The following APBB2 variants were observed in gnomAD, a reference collection of about 807,000 sequenced individuals.
APBB2 encodes Fe65-like 1.
A neutral mutation model predicts 82.5 loss-of-function variants in APBB2; 38 were observed. The ratio of observed to expected loss-of-function variants is 0.46; its 90% CI spans 0.36 to 0.60. APBB2 has a LOEUF of 0.60. APBB2 is among the 20% of genes least tolerant of loss of function. APBB2 has a pLI of 0.00. For synonymous variants in APBB2, 341 were observed against 368.2 expected (o/e 0.93, Z 0.85); for missense variants, 772 against 972.3 (o/e 0.79, Z 2.74).
At chr4:40,996,488 C>G (rs1457504987) in intron 6 of APBB2, among the ~76,000 whole-genome samples, 1 of 152,196 alleles carries the variant, frequency 6.6e-6, no homozygotes, top group East Asian at 1.9e-4. Context: ...GTCTGAATCT[C>G]TCTGACTTCT....
At position 41,135,479 on chromosome 4, in the gene APBB2, T is replaced by C. The variant is rs138299503; in HGVS notation, c.-261+7508A>G. Among the ~76,000 whole-genome samples, 6 of 152,340 alleles carry C rather than the reference T, an allele frequency of 3.9e-5. No homozygotes were observed. In the East Asian group the frequency reaches 1.2e-3, roughly 29 times the overall value. On this transcript the variant is annotated intron_variant, in intron 2 of 17. Transcript: ENST00000508593. ...GATCAATGCTTATTTGAATAGATAATAATCAATTTGGAAATTTCAGAAACT... is the reference window on the plus strand; with the variant it reads ...GATCAATGCTTATTTGAATAGATAACAATCAATTTGGAAATTTCAGAAACT...
intron 12 of APBB2, among the ~76,000 whole-genome samples, chr4:40,863,712 G>A (rs762587294): frequency 9.2e-5 from 14 of 151,760 alleles, no homozygotes; most frequent in Non-Finnish European, 1.6e-4. Flanking sequence ...GGCCAACATG[G>A]TGAAACCCTG....
intron 12 of APBB2, among the ~76,000 whole-genome samples, chr4:40,871,146 C>T (rs1404109800): frequency 6.6e-6 from 1 of 151,638 alleles, no homozygotes; most frequent in Non-Finnish European, 1.5e-5. Context: ...ACCCCGCACC[C>T]GTTTATTTTT....
intron 2 of APBB2, among the ~76,000 whole-genome samples, chr4:41,106,886 C>G (rs1177377135): frequency 6.6e-6 from 1 of 151,994 alleles, no homozygotes; most frequent in Non-Finnish European, 1.5e-5. Context: ...ACAAGATAAG[C>G]CCAGAACATC....
At chr4:41,192,218 A>G (rs1774645188) in intron 1 of APBB2, among the ~76,000 whole-genome samples, 1 of 152,222 alleles carries the variant, frequency 6.6e-6, no homozygotes, top group Non-Finnish European at 1.5e-5. Flanking sequence ...GTCATTATGG[A>G]AAACAGTATG....
In APBB2 at chr4:40,938,863, G is replaced by A. The variant is rs568657978; in HGVS notation, c.1045-3724C>T. Among the ~76,000 whole-genome samples, 7 of 152,326 alleles carry A rather than the reference G, an allele frequency of 4.6e-5. No individual in the cohort carries two copies. In the Middle Eastern group the frequency reaches 0.014, roughly 296 times the overall value. ...GTCTGTCCACTACAAAACTCGCATC[G>A]AAATTTAAACACCAATGTTGCAGTA... On this transcript the variant is annotated intron_variant, in intron 7 of 17. Transcript: ENST00000508593.
chr4:41,146,465 G>GC (rs1760779423), intron 1 of APBB2, among the ~76,000 whole-genome samples: 1 of 151,962 alleles, frequency 6.6e-6, no homozygotes, highest in South Asian at 2.1e-4. Flanking sequence ...CTGCACTCCA[G>GC]CCTGGGCAAG....
chr4:41,107,830 C>T (rs1196678971), intron 2 of APBB2, among the ~76,000 whole-genome samples: 1 of 151,930 alleles, frequency 6.6e-6, no homozygotes, highest in East Asian at 1.9e-4. Flanking sequence ...CCATGAACCA[C>T]AAAAACAAAA....
intron 1 of APBB2, among the ~76,000 whole-genome samples, chr4:41,196,462 A>C: frequency 6.6e-6 from 1 of 152,156 alleles, no homozygotes; most frequent in Admixed American, 6.5e-5. Flanking sequence ...AATGCAAAAA[A>C]ATTCCATTAT....
Position 41,040,975 on chromosome 4 carries a change from A to G in APBB2, c.-50-7671T>C, listed in dbSNP as rs985269387. 3.3e-5 allele frequency among the ~76,000 whole-genome samples: 5 copies of G among 151,832 alleles called. No homozygotes were observed. In the South Asian group the frequency reaches 8.3e-4, roughly 25 times the overall value. On this transcript the variant is annotated intron_variant, in intron 4 of 17. Coordinates refer to ENST00000508593, the MANE Select transcript of APBB2 (RefSeq NM_004307.2). ...GGCTCACTGCAAGCTCCGCCTCCCG[A>G]GTTCACGCCATTCTCCTGCCTCAGC...
At chr4:40,910,889 G>C (rs1778354832) in intron 10 of APBB2, among the ~76,000 whole-genome samples, 1 of 152,246 alleles carries the variant, frequency 6.6e-6, no homozygotes, top group African/African-American at 2.4e-5. Context: ...GTGGATTCAA[G>C]GGGCTGTGAA....
At chr4:40,875,219 C>T (rs942342839) in intron 12 of APBB2, among the ~76,000 whole-genome samples, 1 of 152,142 alleles carries the variant, frequency 6.6e-6, no homozygotes, top group Admixed American at 6.5e-5. Context: ...AGGACACAGA[C>T]AGAGATGGGA....
intron 5 of APBB2, among the ~76,000 whole-genome samples, chr4:41,017,574 G>A (rs1326763198): frequency 6.6e-6 from 1 of 152,186 alleles, no homozygotes; most frequent in African/African-American, 2.4e-5. Context: ...TGGTTTACAT[G>A]ACAAGTAAAC....
At chr4:40,975,753 AAC>A (rs368424451) in intron 6 of APBB2, among the ~76,000 whole-genome samples, 15,119 of 141,990 alleles carry the variant, frequency 0.11, 801 homozygotes, top group Admixed American at 0.15. Flanking sequence ...GTAGTAAGAA[AAC>A]ACACACACAC....
At chr4:40,977,730 T>C (rs1363937679) in intron 6 of APBB2, among the ~76,000 whole-genome samples, 1 of 152,186 alleles carries the variant, frequency 6.6e-6, no homozygotes, top group East Asian at 1.9e-4. Context: ...GACTGAAATA[T>C]CACCTGATTC....
intron 12 of APBB2, among the ~76,000 whole-genome samples, chr4:40,847,598 G>T (rs774573413): frequency 9.2e-5 from 14 of 152,244 alleles, no homozygotes; most frequent in African/African-American, 3.1e-4. Flanking sequence ...ATGCCATGAG[G>T]GTACAAACTC....
intron 10 of APBB2, among the ~76,000 whole-genome samples, chr4:40,895,800 T>C (rs868821378): frequency 1.3e-5 from 2 of 152,204 alleles, no homozygotes; most frequent in Non-Finnish European, 2.9e-5. Flanking sequence ...TCTATTCAAA[T>C]GTCAAAAGTA....
chr4:41,061,196 C>T (rs1002819015), intron 4 of APBB2, among the ~76,000 whole-genome samples: 1 of 152,174 alleles, frequency 6.6e-6, no homozygotes, highest in African/African-American at 2.4e-5. Context: ...TGCAGTCATC[C>T]AAAGGAATGG....
At chr4:41,013,259 A>T (rs1308796116) in intron 6 of APBB2, among the ~76,000 whole-genome samples, 1 of 152,250 alleles carries the variant, frequency 6.6e-6, no homozygotes, top group Non-Finnish European at 1.5e-5. Context: ...TCTAGATAGC[A>T]TATAGAAATG....
Sources: allele counts gnomAD v4.1 joint callset (sites outside exome capture counted in the v4.1 genomes callset), GRCh38; gene constraint gnomAD v4.1.1; transcripts MANE v1.5; gene names NCBI Gene and HGNC (gene_info 2026-07-23, HGNC 2026-07-21).